PCNX4: variants seen among roughly 807,000 people sequenced by gnomAD.
The protein encoded by PCNX4 is pecanex 4.
In PCNX4, 103 loss-of-function variants were observed where a neutral mutation model predicts 107.2. That is an observed-to-expected ratio of 0.96 (90% CI 0.82 to 1.13). The LOEUF (loss-of-function observed/expected upper bound fraction) is 1.13, where lower values mean the gene tolerates loss of function less well. PCNX4 is among the 50% of genes most tolerant of loss of function. PCNX4 has a pLI of 0.00. For synonymous variants in PCNX4, 541 were observed against 481.7 expected, an observed-to-expected ratio of 1.12 and a Z score of -1.61; for missense variants, 1,528 against 1,379.4, an observed-to-expected ratio of 1.11 and a Z score of -1.71.
At chr14:60,117,261 A>G (rs1434480897) in intron 6 of PCNX4, among the ~76,000 whole-genome samples, 1 of 152,180 alleles carries the variant, frequency 6.6e-6, no homozygotes, top group Non-Finnish European at 1.5e-5. Flanking sequence ...CATTCATAGT[A>G]AGTGCTCTAT....
In PCNX4 at chr14:60,124,616, A is replaced by G. The variant is rs977904821; in HGVS notation, c.2445A>G (p.Ser815=). The G allele has an allele frequency of 3.1e-6, 5 of 1,613,840 alleles. No individual in the cohort carries two copies. In the Admixed American group the frequency reaches 5.0e-5, roughly 16 times the overall value. Residue 815 remains serine, a synonymous_variant, in exon 9 of 11, where the codon TCA becomes TCG. Coordinates refer to ENST00000406854, the MANE Select transcript of PCNX4 (RefSeq NM_001330177.2). ...KSPEDIDSLN[S]ETFNDWSDDN... is the part of the protein sequence containing the mutation. Reference sequence around the variant, plus strand: ...CAGAAGACATAGACAGTTTAAATTCAGAAACTTTTAATGACTGGTCTGATG... The same window carrying G: ...CAGAAGACATAGACAGTTTAAATTCGGAAACTTTTAATGACTGGTCTGATG...
At chr14:60,121,979 G>A (rs1450487303) in intron 8 of PCNX4, among the ~76,000 whole-genome samples, 1 of 152,128 alleles carries the variant, frequency 6.6e-6, no homozygotes, top group African/African-American at 2.4e-5. Flanking sequence ...TAACACAAGG[G>A]TGTCCCAGAG....
At position 60,108,161 on chromosome 14, in the gene PCNX4, C is replaced by T. The variant is rs1373179508; in HGVS notation, c.523C>T (p.Leu175=). 1 of 1,612,840 alleles carries T rather than the reference C, an allele frequency of 6.2e-7. No individual in the cohort carries two copies. The highest frequency in any genetic ancestry group is 1.7e-5 in the Admixed American group (1 of 60,026). The change falls in exon 2 of 11, where the codon CTA becomes TTA. Residue 175 remains leucine, a synonymous_variant. Transcript: ENST00000406854. ...GTATGGCAGTACAGGAGGCACTGCT[C>T]TACTATTCTTCTTTGGATGGATGAC... ...LLYGSTGGTA[L]LFFFGWMTLC...
At position 60,134,420 on chromosome 14, in the gene PCNX4, A is replaced by T; in HGVS notation, c.*199A>T. ...GCAAAAACATCTTTATGTCTAAGAT[A>T]AAAGAACTATTTGGCCAATATTTGT... On this transcript the variant is annotated 3_prime_UTR_variant, in exon 11 of 11. Coordinates refer to ENST00000406854, the MANE Select transcript of PCNX4 (RefSeq NM_001330177.2). 1.7e-6 allele frequency: 1 copy of T among 596,322 alleles called. No individual in the cohort carries two copies. Among genetic ancestry groups the T allele is most frequent in the Non-Finnish European group, 2.8e-6 (1 of 357,516 alleles). 36.9% of individuals were successfully genotyped at this position (596,322 alleles called of 1,614,324 possible).
At chr14:60,118,766 C>T (rs1895901278) in intron 7 of PCNX4, 74 bp downstream of exon 7, 1 of 1,432,260 alleles carries the variant, frequency 7.0e-7, no homozygotes, top group African/African-American at 1.4e-5. Flanking sequence ...AACAGGAAAA[C>T]AATCTTTTTA....
At chr14:60,133,291 A>G (rs994387822) in intron 10 of PCNX4, among the ~76,000 whole-genome samples, 1 of 152,230 alleles carries the variant, frequency 6.6e-6, no homozygotes, top group African/African-American at 2.4e-5. Flanking sequence ...ATGCTACAAC[A>G]TAGATGAACC....
intron 2 of PCNX4, among the ~76,000 whole-genome samples, chr14:60,112,955 A>G (rs160225): frequency 0.75 from 113,988 of 152,188 alleles, 44,785 homozygotes; most frequent in Non-Finnish European, 0.87. Flanking sequence ...AGGCCGAGGC[A>G]GGCGGATAAC....
chr14:60,133,178 A>G (rs1248919865), intron 10 of PCNX4, among the ~76,000 whole-genome samples: 1 of 152,256 alleles, frequency 6.6e-6, no homozygotes, highest in Non-Finnish European at 1.5e-5. Flanking sequence ...AATTGCTGTA[A>G]GGTGGAAACA....
intron 10 of PCNX4, 42 bp downstream of exon 10, chr14:60,125,865 A>G (rs753023095): frequency 5.4e-6 from 7 of 1,285,608 alleles, no homozygotes; most frequent in Non-Finnish European, 7.5e-6. Context: ...ACTAACCTTA[A>G]AGAATGGATA....
Position 60,114,681 on chromosome 14 carries a change from GT to G in PCNX4, c.690-17del. Reference sequence around the variant, plus strand: ...TCTATATATTTCGTGTGATTTAAATGTTCTTTTTTTTTATATAGGTTTGTGG... The same window carrying G: ...TCTATATATTTCGTGTGATTTAAATGTCTTTTTTTTTATATAGGTTTGTGG... On this transcript the variant is annotated intron_variant, in intron 2 of 10. Transcript: ENST00000406854. 6.3e-7 allele frequency: 1 copy of G among 1,585,672 alleles called. No individual in the cohort carries two copies. The highest frequency in any genetic ancestry group is 8.6e-7 in the Non-Finnish European group (1 of 1,161,868).
At position 60,132,328 on chromosome 14, in the gene PCNX4, G is replaced by A. The variant is rs1169420987; in HGVS notation, c.3268-1642G>A. 1.3e-5 allele frequency among the ~76,000 whole-genome samples: 2 copies of A among 152,166 alleles called. 1 individual carries two copies. Among genetic ancestry groups the A allele is most frequent in the South Asian group, 4.1e-4 (2 of 4,828 alleles). On this transcript the variant is annotated intron_variant, in intron 10 of 10. Coordinates refer to ENST00000406854, the MANE Select transcript of PCNX4 (RefSeq NM_001330177.2). ...TTTAGGACCCACCTAAATCCAGGAT[G>A]ATCTCATCTCTAAATCTTTAATTAC...
At chr14:60,101,447 G>A (rs1428652439) in intron 1 of PCNX4, among the ~76,000 whole-genome samples, 1 of 152,130 alleles carries the variant, frequency 6.6e-6, no homozygotes, top group Non-Finnish European at 1.5e-5. Flanking sequence ...TTAAAAAAAT[G>A]AGCAAAGATT....
In PCNX4 at chr14:60,124,632, T is replaced by G; in HGVS notation, c.2461T>G (p.Trp821Gly). 1 of 1,613,770 alleles carries G rather than the reference T, an allele frequency of 6.2e-7. No homozygotes were observed. Among genetic ancestry groups the G allele is most frequent in the South Asian group, 1.1e-5 (1 of 91,078 alleles). Reference sequence around the variant, plus strand: ...TTTAAATTCAGAAACTTTTAATGACTGGTCTGATGATAATATTTTTGATGA... The same window carrying G: ...TTTAAATTCAGAAACTTTTAATGACGGGTCTGATGATAATATTTTTGATGA... The part of the protein sequence containing the change: ...DSLNSETFND[W>G]SDDNIFDDEP... The change falls in exon 9 of 11, where the codon TGG (tryptophan) becomes GGG (glycine). Residue 821 changes from tryptophan to glycine, a missense_variant. Physicochemically the swap from Trp to Gly is radical, Grantham distance 184. Transcript: ENST00000406854.
In PCNX4 at chr14:60,144,709, A is replaced by AT; in HGVS notation, c.*10492dup. ...GACTAAGACAAATCTGTTAACTTAG[A>AT]TTTTAAGCATATGTGCTAAAGTATT... On this transcript the variant is annotated 3_prime_UTR_variant, in exon 11 of 11. Transcript: ENST00000406854. The AT allele has an allele frequency of 2.8e-6, 1 of 355,628 alleles. No homozygotes were observed. Among genetic ancestry groups the AT allele is most frequent in the Non-Finnish European group, 5.0e-6 (1 of 200,342 alleles). 22.0% of individuals were successfully genotyped at this position (355,628 alleles called of 1,614,324 possible). A position where few individuals can be genotyped will look rare whatever the true frequency, so the allele number is the denominator to read the frequency against.
At position 60,115,401 on chromosome 14, in the gene PCNX4, T is replaced by G; in HGVS notation, c.1297T>G (p.Phe433Val). 1 of 1,570,858 alleles carries G rather than the reference T, an allele frequency of 6.4e-7. No individual in the cohort carries two copies. Among genetic ancestry groups the G allele is most frequent in the East Asian group, 2.2e-5 (1 of 44,522 alleles). ...GGATGTGCAAACTGTGACTGTATTC[T>G]TTGAGAAGCAAACTAGGCTCATGAA... ...PKDVQTVTVF[F>V]EKQTRLMKIG... Residue 433 changes from phenylalanine to valine, a missense_variant, in exon 4 of 11, where the codon TTT (phenylalanine) becomes GTT (valine). Phe to Val is a conservative substitution (Grantham distance 50). Transcript: ENST00000406854.
At chr14:60,095,387 G>A (rs989873091) in intron 1 of PCNX4, among the ~76,000 whole-genome samples, 2 of 152,192 alleles carry the variant, frequency 1.3e-5, no homozygotes, top group African/African-American at 2.4e-5. Context: ...AACTGCACCT[G>A]TAAGCTGTCA....
At chr14:60,099,948 C>G (rs1180281150) in intron 1 of PCNX4, among the ~76,000 whole-genome samples, 1 of 151,958 alleles carries the variant, frequency 6.6e-6, no homozygotes, top group Non-Finnish European at 1.5e-5. Context: ...ACCTTTCGTC[C>G]CGGCTACTTG....
intron 2 of PCNX4, among the ~76,000 whole-genome samples, chr14:60,112,699 A>G (rs1004412707): frequency 2.2e-4 from 34 of 151,970 alleles, no homozygotes; most frequent in Admixed American, 8.5e-4. Context: ...GTCTTGGGGG[A>G]AAAAAAAGTG....
Position 60,115,955 on chromosome 14 carries a change from A to T in PCNX4, c.1473A>T (p.Thr491=), listed in dbSNP as rs1175835555. ...GTATACTGCAGGTATGGCAGAATAC[A>T]GAAAATGCTTTATTGGAGACAGTCA... ...TRAFRMVWQN[T]ENALLETVIV... The change falls in exon 6 of 11, where the codon ACA becomes ACT. Residue 491 remains threonine (T), a synonymous_variant. Coordinates refer to ENST00000406854, the MANE Select transcript of PCNX4 (RefSeq NM_001330177.2). The T allele has an allele frequency of 6.2e-7, 1 of 1,611,168 alleles. No individual in the cohort carries two copies. Among genetic ancestry groups the T allele is most frequent in the East Asian group, 2.2e-5 (1 of 44,824 alleles).
Sources: allele counts gnomAD v4.1 joint callset (sites outside exome capture counted in the v4.1 genomes callset), GRCh38; gene constraint gnomAD v4.1.1; transcripts MANE v1.5; gene names NCBI Gene and HGNC (gene_info 2026-07-23, HGNC 2026-07-21).